The following COL9A3 variants were observed in gnomAD, a reference collection of about 807,000 sequenced individuals.
COL9A3 encodes collagen type IX alpha 3 chain, also known as collagen alpha-3(IX) chain.
Under a neutral mutation model 110.2 loss-of-function variants are expected in COL9A3, and 82 were observed. The observed-to-expected ratio is 0.74, with a 90% CI of 0.62 to 0.89. The LOEUF is 0.89. Among genes scored for constraint, COL9A3 ranks in the 40% least tolerant of loss-of-function variants. The pLI, the probability that COL9A3 is intolerant of heterozygous loss-of-function variation, is 0.00. For missense variants in COL9A3, 1,066 were observed against 981.3 expected, an observed-to-expected ratio of 1.09 and a Z score of -1.15; for synonymous variants, 494 against 403.8, an observed-to-expected ratio of 1.22 and a Z score of -2.68.
At chr20:62,826,073 G>T in intron 13 of COL9A3, 131 bp from the exon 14 acceptor site, 4 of 1,146,102 alleles carry the variant, frequency 3.5e-6, no homozygotes, top group African/African-American at 1.5e-5. Flanking sequence ...CCCTCTGGGG[G>T]ACCTGAGCTG....
intron 30 of COL9A3, 95 bp from the exon 31 acceptor site, chr20:62,838,589 G>C (rs1653540314): frequency 8.9e-7 from 1 of 1,124,150 alleles, no homozygotes. Flanking sequence ...GTGAAAAGCT[G>C]GCACCCTGTT....
chr20:62,829,424 G>T, intron 19 of COL9A3, 31 bp from the exon 20 acceptor site: 1 of 1,612,482 alleles, frequency 6.2e-7, no homozygotes. Context: ...AATGTAACTG[G>T]CAGCCCTGAC....
chr20:62,830,449 G>A, intron 23 of COL9A3, 36 bp downstream of exon 23: 7 of 1,579,002 alleles, frequency 4.4e-6, no homozygotes, highest in Non-Finnish European at 6.0e-6. Context: ...GGCATGGGGG[G>A]CGGCACACCC....
chr20:62,833,380 T>G (rs2063611083), intron 26 of COL9A3, among the ~76,000 whole-genome samples: 1 of 152,198 alleles, frequency 6.6e-6, no homozygotes, highest in Admixed American at 6.5e-5. Context: ...TGCATTTTTG[T>G]TTTTTTGTTT....
In COL9A3 at chr20:62,828,037, G is replaced by C. The variant is rs142124423; in HGVS notation, c.900+61G>C. 6.4e-4 allele frequency: 999 copies of C among 1,570,866 alleles called. 4 individuals carry two copies. The African/African-American group carries it at 0.012, about 19-fold the overall frequency. ...CCCGGGTCCTGGGTATGTACAGGTG[G>C]AGATGGCATTCAGAAGGGCTGGAGC... On this transcript the variant is annotated intron_variant, in intron 17 of 31. Coordinates refer to ENST00000649368, the MANE Select transcript of COL9A3 (RefSeq NM_001853.4).
upstream of COL9A3, among the ~76,000 whole-genome samples, chr20:62,816,889 G>C (rs913321322): frequency 6.6e-6 from 1 of 151,084 alleles, no homozygotes; most frequent in Non-Finnish European, 1.5e-5. Flanking sequence ...TTTCGCCCAG[G>C]CGGGCTGGGC....
Position 62,838,806 on chromosome 20 carries a change from CCG to C in COL9A3, c.1864+47_1864+48del, listed in dbSNP as rs767571312. The C allele has an allele frequency of 3.1e-5, 45 of 1,467,534 alleles. 1 individual carries two copies. In the South Asian group the frequency reaches 5.1e-4, roughly 17 times the overall value. 90.9% of individuals were successfully genotyped at this position (1,467,534 alleles called of 1,614,324 possible). ...AAGGCTTCACTGGGTGACATCTCTT[CCG>C]CCATCTTGTAGCTTTATGTGGGGCG... is the stretch of plus-strand genomic sequence containing the variant. On this transcript the variant is annotated intron_variant, in intron 31 of 31. Transcript: ENST00000649368.
In COL9A3 at chr20:62,825,013, G is replaced by C. The variant is rs1226714995; in HGVS notation, c.622G>C (p.Gly208Arg). The change falls in exon 12 of 32, where the codon GGC becomes CGC. Residue 208 changes from glycine to arginine, a missense_variant. Transcript: ENST00000649368. The stretch of plus-strand genomic sequence containing the variant: ...CGAGCAGGGGGAAGTCGGCAAGGAC[G>C]GCGAGAAGGTGAAGCTGCCGCACAG... ...KGEQGEVGKDGEKGDPGPPGP... is the reference protein window; with the variant it reads ...KGEQGEVGKDREKGDPGPPGP... 2 of 1,609,408 alleles carry C rather than the reference G, an allele frequency of 1.2e-6. No homozygotes were observed. The highest frequency in any genetic ancestry group is 1.7e-6 in the Non-Finnish European group (2 of 1,179,144).
At chr20:62,829,582 C>CTA in intron 20 of COL9A3, 46 bp from the exon 21 acceptor site, 1 of 1,610,856 alleles carries the variant, frequency 6.2e-7, no homozygotes, top group East Asian at 2.2e-5. Context: ...CGACCTGGCC[C>CTA]CAGTGCAGGT....
At chr20:62,827,168 A>C in intron 15 of COL9A3, 73 bp from the exon 16 acceptor site, 7 of 1,503,728 alleles carry the variant, frequency 4.7e-6, no homozygotes, top group African/African-American at 1.4e-5. Context: ...CCGGGCCTGG[A>C]GGGGCCCCCG....
chr20:62,835,957 A>T lies in COL9A3; in HGVS notation c.1401+4A>T. 1 of 1,614,200 alleles carries T rather than the reference A, an allele frequency of 6.2e-7. No homozygotes were observed. Among genetic ancestry groups the T allele is most frequent in the Non-Finnish European group, 8.5e-7 (1 of 1,180,032 alleles). On this transcript the variant is annotated splice_donor_region_variant and intron_variant, in intron 27 of 31. Coordinates refer to ENST00000649368, the MANE Select transcript of COL9A3 (RefSeq NM_001853.4). ...CCTGGTCGGACCCAAAGGAGAGGTGAGTGCCCGGCGACTGTTCCGATGACA... is the reference window on the plus strand; with the variant it reads ...CCTGGTCGGACCCAAAGGAGAGGTGTGTGCCCGGCGACTGTTCCGATGACA...
intron 3 of COL9A3, among the ~76,000 whole-genome samples, chr20:62,818,836 G>A (rs1341411309): frequency 6.6e-6 from 1 of 152,220 alleles, no homozygotes; most frequent in Non-Finnish European, 1.5e-5. Context: ...GGTCCCCCAG[G>A]CCTGAGGTCA....
chr20:62,826,703 G>A, intron 14 of COL9A3, 64 bp from the exon 15 acceptor site: 1 of 1,574,808 alleles, frequency 6.3e-7, no homozygotes, highest in Non-Finnish European at 8.7e-7. Context: ...CCCTGAGGGA[G>A]CACTGGGGGG....
chr20:62,818,399 G>C (rs920189115), intron 2 of COL9A3, 119 bp from the exon 3 acceptor site: 23 of 998,682 alleles, frequency 2.3e-5, no homozygotes, highest in Non-Finnish European at 3.5e-5. Flanking sequence ...GGCCCCTTTT[G>C]TCTGCTGGGG....
intron 16 of COL9A3, 109 bp from the exon 17 acceptor site, chr20:62,827,814 T>C: frequency 8.3e-7 from 1 of 1,206,142 alleles, no homozygotes; most frequent in South Asian, 1.2e-5. Flanking sequence ...GGGTGGCCCC[T>C]GCCGCTGCCC....
intron 4 of COL9A3, 34 bp from the exon 5 acceptor site, chr20:62,819,895 T>G (rs780719025): frequency 5.0e-5 from 81 of 1,612,098 alleles, no homozygotes; most frequent in Non-Finnish European, 6.7e-5. Flanking sequence ...GCTTCCCATG[T>G]GGCCCCTCGA....
At chr20:62,839,589 G>A (rs1227907068) in intron 31 of COL9A3, among the ~76,000 whole-genome samples, 1 of 151,970 alleles carries the variant, frequency 6.6e-6, no homozygotes, top group Non-Finnish European at 1.5e-5. Context: ...CTGCCTGGGT[G>A]CCCTGGAGCC....
chr20:62,829,952 G>A (rs2063582955), intron 22 of COL9A3, 133 bp downstream of exon 22: 2 of 1,223,360 alleles, frequency 1.6e-6, no homozygotes, highest in South Asian at 1.4e-5. Context: ...AGGATGCCAG[G>A]AGGTGTGGGG....
chr20:62,823,996 T>TCCAC (rs1444105388), intron 10 of COL9A3, among the ~76,000 whole-genome samples: 17 of 146,772 alleles, frequency 1.2e-4, no homozygotes, highest in African/African-American at 3.6e-4. Context: ...CCCGTCACTG[T>TCCAC]GTGGAGTGGC....
Sources: allele counts gnomAD v4.1 joint callset (sites outside exome capture counted in the v4.1 genomes callset), GRCh38; gene constraint gnomAD v4.1.1; transcripts MANE v1.5; gene names NCBI Gene and HGNC (gene_info 2026-07-23, HGNC 2026-07-21).